Variants in SNX5 observed in about 807,000 individuals in gnomAD.
The protein encoded by SNX5 is sorting nexin 5.
SNX5 carries 31 observed loss-of-function variants against 53.9 expected under a neutral mutation model. The observed-to-expected ratio is 0.58, with a 90% CI of 0.43 to 0.78. The LOEUF (loss-of-function observed/expected upper bound fraction) is 0.78, where lower values mean the gene tolerates loss of function less well. SNX5 is among the 30% of genes least tolerant of loss of function. The pLI is 0.00. For synonymous variants in SNX5, 168 were observed against 171.1 expected, an observed-to-expected ratio of 0.98 and a Z score of 0.14; for missense variants, 471 against 478.8, an observed-to-expected ratio of 0.98 and a Z score of 0.15.
chr20:17,943,802 C>CA (rs2039449692), intron 11 of SNX5: 1 of 152,082 alleles, frequency 6.6e-6, no homozygotes, highest in African/African-American at 2.4e-5. Context: ...AGAGGTTCCT[C>CA]AAAAAACTAA....
chr20:17,954,383 T>C (rs1168337265), intron 3 of SNX5, among the ~76,000 whole-genome samples: 1 of 152,202 alleles, frequency 6.6e-6, no homozygotes, highest in Non-Finnish European at 1.5e-5. Context: ...AGCACAACAG[T>C]GTCTATACTG....
chr20:17,960,303 A>G (rs2035425980), intron 1 of SNX5, among the ~76,000 whole-genome samples: 1 of 152,202 alleles, frequency 6.6e-6, no homozygotes, highest in South Asian at 2.1e-4. Context: ...TCTACTAAAA[A>G]TACAAAAAGT....
chr20:17,960,610 C>CA (rs2035430897), intron 1 of SNX5, among the ~76,000 whole-genome samples: 1 of 150,644 alleles, frequency 6.6e-6, no homozygotes. Flanking sequence ...AACAAACAAA[C>CA]AAAAAAACAC....
chr20:17,943,009 C>T, intron 12 of SNX5, 101 bp downstream of exon 12: 1 of 784,278 alleles, frequency 1.3e-6, no homozygotes, highest in Non-Finnish European at 2.2e-6. Context: ...ATTAATACCA[C>T]AAGGCCACCC....
At chr20:17,942,454 C>A (rs776973758) in intron 12 of SNX5, 47 bp from the exon 13 acceptor site, 2 of 1,430,796 alleles carry the variant, frequency 1.4e-6, no homozygotes, top group South Asian at 1.1e-5. Flanking sequence ...TTAAAACTTG[C>A]CATATACCTG....
chr20:17,966,384 CA>C (rs57885295), intron 1 of SNX5, among the ~76,000 whole-genome samples: 6,692 of 125,474 alleles, frequency 0.053, 465 homozygotes, highest in African/African-American at 0.18. Context: ...GACTCCGTCT[CA>C]AAAAAAAAAA....
chr20:17,964,472 T>C (rs1394788317), intron 1 of SNX5, among the ~76,000 whole-genome samples: 1 of 152,232 alleles, frequency 6.6e-6, no homozygotes, highest in African/African-American at 2.4e-5. Flanking sequence ...TGGGGTACTA[T>C]GGTTTGCCTT....
chr20:17,950,879 A>G (rs1182153261), intron 6 of SNX5: 1 of 158,920 alleles, frequency 6.3e-6, no homozygotes, highest in African/African-American at 2.4e-5. Flanking sequence ...CGAGTTTCCT[A>G]ATTTCTGATG....
At chr20:17,961,916 G>A (rs1422420357) in intron 1 of SNX5, 3 of 984,598 alleles carry the variant, frequency 3.0e-6, no homozygotes, top group African/African-American at 1.7e-5. Flanking sequence ...TGTTAAGTGA[G>A]AATATAAAAT....
chr20:17,968,599 G>C lies in SNX5; in HGVS notation c.-174C>G. ...ACTCCGCCACCATCCCAGCTGCCCCGGGAGCAGGCGAGCAGGGCGCCACGT... is the reference window on the plus strand; with the variant it reads ...ACTCCGCCACCATCCCAGCTGCCCCCGGAGCAGGCGAGCAGGGCGCCACGT... On this transcript the variant is annotated 5_prime_UTR_variant, in exon 1 of 13. Coordinates refer to ENST00000377759, the MANE Select transcript of SNX5 (RefSeq NM_014426.4). The C allele has an allele frequency of 1.6e-6, 1 of 644,898 alleles. No homozygotes were observed. The highest frequency in any genetic ancestry group is 2.7e-6 in the Non-Finnish European group (1 of 368,520). The allele number at this position is 644,898 out of a possible 1,614,324, so 39.9% of individuals were successfully genotyped here. A position where few individuals can be genotyped will look rare whatever the true frequency, so the allele number is the denominator to read the frequency against.
intron 6 of SNX5, among the ~76,000 whole-genome samples, chr20:17,950,829 G>GA (rs2039556407): frequency 6.6e-6 from 1 of 152,172 alleles, no homozygotes; most frequent in East Asian, 1.9e-4. Context: ...ATAATGCATG[G>GA]ATACAGGACA....
intron 12 of SNX5, 57 bp from the exon 13 acceptor site, chr20:17,942,464 G>C: frequency 7.7e-7 from 1 of 1,301,722 alleles, no homozygotes; most frequent in Non-Finnish European, 1.1e-6. Flanking sequence ...CCATATACCT[G>C]GAATGACTCA....
chr20:17,953,926 A>C, intron 4 of SNX5, 70 bp downstream of exon 4: 1 of 1,336,494 alleles, frequency 7.5e-7, no homozygotes, highest in Non-Finnish European at 1.0e-6. Context: ...AGGTTCTTCT[A>C]CTTATTTTTG....
chr20:17,944,772 C>T (rs942308930), intron 11 of SNX5: 13 of 152,128 alleles, frequency 8.5e-5, no homozygotes, highest in African/African-American at 3.1e-4. Context: ...GTCTCGATCT[C>T]CTGACCTCGT....
At chr20:17,961,871 T>C in intron 1 of SNX5, 1 of 985,440 alleles carries the variant, frequency 1.0e-6, no homozygotes. Flanking sequence ...GATTTTCAGC[T>C]GGAAAGATAT....
intron 10 of SNX5, 76 bp from the exon 11 acceptor site, chr20:17,947,721 AC>A: frequency 7.9e-7 from 1 of 1,260,086 alleles, no homozygotes; most frequent in Admixed American, 2.6e-5. Flanking sequence ...CCAATGTACC[AC>A]CTGAGATGTT....
chr20:17,955,479 TAAAG>T lies in SNX5; in HGVS notation c.157-8_157-5del, dbSNP rs776368028. The T allele has an allele frequency of 1.7e-5, 27 of 1,609,824 alleles. No individual in the cohort carries two copies. Among genetic ancestry groups the T allele is most frequent in the Admixed American group, 1.7e-4 (10 of 59,798 alleles). Reference sequence around the variant, plus strand: ...TCTGAAACGTGGGCAGTGTGGTCTGTAAAGAAAGAAAGAAGTTAACTGGTAACCA... The same window carrying T: ...TCTGAAACGTGGGCAGTGTGGTCTGTAAAGAAAGAAGTTAACTGGTAACCA... On this transcript the variant is annotated splice_polypyrimidine_tract_variant and splice_region_variant and intron_variant, in intron 2 of 12. Coordinates refer to ENST00000377759, the MANE Select transcript of SNX5 (RefSeq NM_014426.4).
At chr20:17,963,072 T>A (rs1600355157) in intron 1 of SNX5, 1 of 355,226 alleles carries the variant, frequency 2.8e-6, no homozygotes, top group Middle Eastern at 1.0e-3. Flanking sequence ...TACTTTCAAA[T>A]GAATTCACAA....
chr20:17,952,773 C>G, intron 4 of SNX5, 63 bp from the exon 5 acceptor site: 1 of 1,580,186 alleles, frequency 6.3e-7, no homozygotes, highest in Non-Finnish European at 8.6e-7. Flanking sequence ...CAATACCACT[C>G]CTGATTAATT....
Sources: allele counts gnomAD v4.1 joint callset (sites outside exome capture counted in the v4.1 genomes callset), GRCh38; gene constraint gnomAD v4.1.1; transcripts MANE v1.5; gene names NCBI Gene and HGNC (gene_info 2026-07-23, HGNC 2026-07-21).